Variants in SIPA1L1 observed in about 807,000 individuals in gnomAD.
SIPA1L1 encodes the protein signal-induced proliferation-associated 1-like protein 1.
A neutral mutation model predicts 162.7 loss-of-function variants in SIPA1L1; 26 were observed. The ratio of observed to expected loss-of-function variants is 0.16; its 90% confidence interval spans 0.12 to 0.22. The LOEUF (loss-of-function observed/expected upper bound fraction) is 0.22, where lower values mean the gene tolerates loss of function less well. SIPA1L1 is among the 10% of genes least tolerant of loss of function. The pLI is 1.00. For missense variants in SIPA1L1, 1,874 were observed against 2,241.0 expected (o/e 0.84, Z 3.31); for synonymous variants, 829 against 837.4 (o/e 0.99, Z 0.17).
intron 2 of SIPA1L1, among the ~76,000 whole-genome samples, chr14:71,421,486 C>A (rs1315059398): frequency 2.0e-5 from 3 of 152,012 alleles, no homozygotes; most frequent in Non-Finnish European, 4.4e-5. Context: ...GTAGTCCCAG[C>A]TTCTTGGGAG....
chr14:71,702,993 G>C (rs988095077), intron 15 of SIPA1L1, among the ~76,000 whole-genome samples: 2 of 152,194 alleles, frequency 1.3e-5, no homozygotes, highest in Non-Finnish European at 2.9e-5. Flanking sequence ...TGTCAGCTAA[G>C]GAAATGTCTT....
chr14:71,710,822 A>AAG (rs1555362341), intron 17 of SIPA1L1, among the ~76,000 whole-genome samples: 1 of 151,158 alleles, frequency 6.6e-6, no homozygotes, highest in Admixed American at 6.6e-5. Context: ...AAAAAAAAAA[A>AAG]AAAGAAAGAA....
At chr14:71,631,566 TC>T (rs2040574516) in intron 7 of SIPA1L1, among the ~76,000 whole-genome samples, 1 of 152,242 alleles carries the variant, frequency 6.6e-6, no homozygotes, top group Non-Finnish European at 1.5e-5. Flanking sequence ...AAACTTTTTA[TC>T]TTTGTGAGAA....
rs12884066 is a variant in SIPA1L1, at chr14:71,676,167, G to T, written c.3104+3545G>T. On this transcript the variant is annotated intron_variant, in intron 12 of 23. Transcript: ENST00000381232. ...AAATTAGGGGGGCGTGCTGGCACAT[G>T]CCTGTAGTCTCAGCTACTTGGGGGC... 5.4e-3 allele frequency among the ~76,000 whole-genome samples: 809 copies of T among 149,922 alleles called. 7 individuals are homozygous for T. Among genetic ancestry groups the T allele is most frequent in the Middle Eastern group, 0.014 (4 of 288 alleles).
intron 2 of SIPA1L1, among the ~76,000 whole-genome samples, chr14:71,468,128 G>C (rs1188056351): frequency 6.6e-6 from 1 of 151,306 alleles, no homozygotes. Context: ...TTTATTTCCT[G>C]ATCTGTCAAT....
At chr14:71,362,164 C>A (rs1275250449) in intron 2 of SIPA1L1, among the ~76,000 whole-genome samples, 1 of 152,286 alleles carries the variant, frequency 6.6e-6, no homozygotes, top group South Asian at 2.1e-4. Context: ...GAGTTTCGTA[C>A]TTGAGAGATG....
At chr14:71,556,711 T>TTGGAACTTGTTCAAGA in intron 4 of SIPA1L1, among the ~76,000 whole-genome samples, 1 of 152,382 alleles carries the variant, frequency 6.6e-6, no homozygotes, top group South Asian at 2.1e-4. Flanking sequence ...CAAGAACTTC[T>TTGGAACTTGTTCAAGA]ACATGTTCAC....
chr14:71,731,885 C>T (rs769028555), intron 20 of SIPA1L1, among the ~76,000 whole-genome samples: 104 of 152,200 alleles, frequency 6.8e-4, no homozygotes, highest in Non-Finnish European at 1.1e-3. Context: ...AGGCAGTCCT[C>T]ATTGGGCTGA....
intron 6 of SIPA1L1, among the ~76,000 whole-genome samples, chr14:71,623,318 A>T (rs1317207608): frequency 6.6e-6 from 1 of 152,204 alleles, no homozygotes; most frequent in Non-Finnish European, 1.5e-5. Context: ...AATTAGGTTA[A>T]CAAAACTTTG....
At chr14:71,663,780 C>G (rs2043749804) in intron 10 of SIPA1L1, among the ~76,000 whole-genome samples, 1 of 152,186 alleles carries the variant, frequency 6.6e-6, no homozygotes, top group Non-Finnish European at 1.5e-5. Context: ...AAGTGGGATA[C>G]TGAACACCCC....
intron 18 of SIPA1L1, 35 bp from the exon 19 acceptor site, chr14:71,724,635 G>T: frequency 6.3e-7 from 1 of 1,591,480 alleles, no homozygotes; most frequent in Non-Finnish European, 8.6e-7. Flanking sequence ...GCCTTGTTGA[G>T]TTGGTATCTA....
chr14:71,705,446 A>G, intron 16 of SIPA1L1, 106 bp downstream of exon 16: 1 of 869,352 alleles, frequency 1.2e-6, no homozygotes, highest in Non-Finnish European at 1.9e-6. Flanking sequence ...AGAGGAAATC[A>G]TTCTGGCAAA....
intron 2 of SIPA1L1, among the ~76,000 whole-genome samples, chr14:71,412,827 T>C (rs2042500577): frequency 6.6e-6 from 1 of 152,224 alleles, no homozygotes; most frequent in Admixed American, 6.5e-5. Flanking sequence ...TCTGACTTAT[T>C]TAATACATTT....
At chr14:71,329,207 A>G (rs1012473557) in intron 2 of SIPA1L1, among the ~76,000 whole-genome samples, 1 of 152,196 alleles carries the variant, frequency 6.6e-6, no homozygotes, top group East Asian at 1.9e-4. Context: ...GATTGTTGCT[A>G]TGAACGTGGG....
At chr14:71,680,169 G>C (rs879301968) in intron 12 of SIPA1L1, among the ~76,000 whole-genome samples, 4 of 152,168 alleles carry the variant, frequency 2.6e-5, no homozygotes, top group Non-Finnish European at 5.9e-5. Context: ...TGACCACATA[G>C]TTGGAAGTAA....
At chr14:71,376,120 T>C (rs572465011) in intron 2 of SIPA1L1, among the ~76,000 whole-genome samples, 1 of 152,314 alleles carries the variant, frequency 6.6e-6, no homozygotes, top group East Asian at 1.9e-4. Flanking sequence ...TTAATCTTTT[T>C]CTTGAATGTT....
Position 71,661,300 on chromosome 14 carries a change from T to G in SIPA1L1, c.2098-10T>G. 1 of 1,610,378 alleles carries G rather than the reference T, an allele frequency of 6.2e-7. No individual in the cohort carries two copies. Among genetic ancestry groups the G allele is most frequent in the Non-Finnish European group, 8.5e-7 (1 of 1,177,812 alleles). On this transcript the variant is annotated splice_polypyrimidine_tract_variant and intron_variant, in intron 9 of 23. Coordinates refer to ENST00000381232, the MANE Select transcript of SIPA1L1 (RefSeq NM_001386936.1). ...TGTTATTTATGTTGGTTGCTTATTT[T>G]TTCTTGTAGCTCCTGAGGAAGCGGC...
At chr14:71,664,431 G>A (rs1272269763) in intron 10 of SIPA1L1, among the ~76,000 whole-genome samples, 1 of 151,824 alleles carries the variant, frequency 6.6e-6, no homozygotes, top group Non-Finnish European at 1.5e-5. Flanking sequence ...ATTTTTGTGG[G>A]TACATAGTAG....
chr14:71,521,856 A>G (rs1446391330), intron 3 of SIPA1L1, among the ~76,000 whole-genome samples: 1 of 152,240 alleles, frequency 6.6e-6, no homozygotes, highest in Non-Finnish European at 1.5e-5. Context: ...GGTAGGTAGT[A>G]GTACCACATT....
Sources: gnomAD v4.1 joint callset for allele counts (sites outside exome capture counted in the v4.1 genomes callset) on GRCh38, gnomAD v4.1.1 for gene constraint, MANE v1.5 for transcripts, NCBI Gene and HGNC (gene_info 2026-07-23, HGNC 2026-07-21) for gene names.